SULT4A1: variants seen among roughly 807,000 people sequenced by gnomAD.
SULT4A1 encodes sulfotransferase family 4A member 1.
A neutral mutation model predicts 35.2 loss-of-function variants in SULT4A1; 11 were observed. The observed-to-expected ratio is 0.31, with a 90% CI of 0.20 to 0.52. SULT4A1 has a LOEUF of 0.52. SULT4A1 is among the 20% of genes least tolerant of loss of function. The pLI is 0.97. For synonymous variants in SULT4A1, 152 were observed against 151.8 expected (o/e 1.00, Z -0.01); for missense variants, 271 against 383.7 (o/e 0.71, Z 2.45).
At chr22:43,844,282 T>C (rs9306470) in intron 1 of SULT4A1, among the ~76,000 whole-genome samples, 35,207 of 152,152 alleles carry the variant, frequency 0.23, 4,242 homozygotes, top group African/African-American at 0.31. Context: ...TGGGGAGATG[T>C]GGCCAACGGG....
chr22:43,840,914 G>A (rs1156930325), intron 2 of SULT4A1, among the ~76,000 whole-genome samples: 1 of 149,856 alleles, frequency 6.7e-6, no homozygotes, highest in Non-Finnish European at 1.5e-5. Context: ...TCCTCTTTCA[G>A]GACCTGCCTC....
intron 1 of SULT4A1, among the ~76,000 whole-genome samples, chr22:43,848,822 T>C (rs1356818959): frequency 6.6e-6 from 1 of 152,196 alleles, no homozygotes; most frequent in Non-Finnish European, 1.5e-5. Context: ...CAGGCCCCAG[T>C]AGATCCACCC....
rs554792875 is a variant in SULT4A1, at chr22:43,845,473, C to T, written c.170-3541G>A. On this transcript the variant is annotated intron_variant, in intron 1 of 6. Transcript: ENST00000330884. ...GATGGTGGCCTCACTGTGGCTCACC[C>T]GGCTCCTCTCCTCTGTCCTTGCCTC... Among the ~76,000 whole-genome samples, 9 of 152,334 alleles carry T rather than the reference C, an allele frequency of 5.9e-5. No homozygotes were observed. The South Asian group carries it at 1.7e-3, about 28-fold the overall frequency.
At chr22:43,833,104 C>T (rs2063336324) in intron 5 of SULT4A1, among the ~76,000 whole-genome samples, 1 of 152,132 alleles carries the variant, frequency 6.6e-6, no homozygotes, top group Admixed American at 6.5e-5. Context: ...TGTCTCCTGC[C>T]TGTCCTGCCC....
chr22:43,838,486 A>T (rs994332697), intron 4 of SULT4A1, among the ~76,000 whole-genome samples: 3 of 152,244 alleles, frequency 2.0e-5, no homozygotes, highest in Non-Finnish European at 4.4e-5. Flanking sequence ...ACTTAGCTCC[A>T]GTCTCCACTC....
chr22:43,862,102 C>A (rs895249333), intron 1 of SULT4A1, 112 bp downstream of exon 1: 2 of 701,530 alleles, frequency 2.9e-6, no homozygotes, highest in Admixed American at 6.2e-5. Flanking sequence ...GGGGCGGAGG[C>A]CAAGGGCGAC....
chr22:43,842,975 ATCTCTCTCTCTC>A (rs695712), intron 1 of SULT4A1, among the ~76,000 whole-genome samples: 1 of 144,480 alleles, frequency 6.9e-6, no homozygotes, highest in Non-Finnish European at 1.5e-5. Flanking sequence ...AGTAAACAGC[ATCTCTCTCTCTC>A]TCTCTCTCTC....
intron 1 of SULT4A1, among the ~76,000 whole-genome samples, 157 bp downstream of exon 1, chr22:43,862,057 G>A (rs1376428402): frequency 7.1e-6 from 1 of 141,268 alleles, no homozygotes; most frequent in African/African-American, 2.5e-5. Flanking sequence ...CCGCCCCGCA[G>A]GGATCCGAGC....
Position 43,825,215 on chromosome 22 carries a change from G to A in SULT4A1, c.*786C>T, listed in dbSNP as rs1040830456. The A allele has an allele frequency of 6.6e-6, 1 of 152,228 alleles. No individual in the cohort carries two copies. The highest frequency in any genetic ancestry group is 2.4e-5 in the African/African-American group (1 of 41,444). 9.4% of individuals were successfully genotyped at this position (152,228 alleles called of 1,614,324 possible). A position where few individuals can be genotyped will look rare whatever the true frequency, so the allele number is the denominator to read the frequency against. The stretch of plus-strand genomic sequence containing the variant: ...AATTCCGAGCGCAACTCGGTCCTTT[G>A]GTGGCCGACTCTCCACCCACTGCAT... On this transcript the variant is annotated 3_prime_UTR_variant, in exon 7 of 7. Transcript: ENST00000330884.
chr22:43,857,957 G>A (rs1274975386), intron 1 of SULT4A1, among the ~76,000 whole-genome samples: 1 of 149,518 alleles, frequency 6.7e-6, no homozygotes, highest in Non-Finnish European at 1.5e-5. Flanking sequence ...GGCTGAGGCA[G>A]GAGGATTGCT....
intron 3 of SULT4A1, 81 bp from the exon 4 acceptor site, chr22:43,839,074 A>G: frequency 1.3e-6 from 2 of 1,568,148 alleles, no homozygotes; most frequent in Non-Finnish European, 1.7e-6. Context: ...AGCCTCCCTG[A>G]ACCTGCTGGT....
rs1284584564 is a variant in SULT4A1, at chr22:43,826,950, G to A, written c.743-837C>T. The A allele has an allele frequency of 1.1e-5, 11 of 985,436 alleles. No individual in the cohort carries two copies. In the South Asian group the frequency reaches 2.3e-4, roughly 21 times the overall value. 61.0% of individuals were successfully genotyped at this position (985,436 alleles called of 1,614,324 possible). On this transcript the variant is annotated intron_variant, in intron 6 of 6. Transcript: ENST00000330884. ...GGATAAACTGCAGGCACCGGTCTAC[G>A]CTGGTTTATGAAGGCTTTGGAAAAA...
rs577497249 is a variant in SULT4A1, at chr22:43,826,541, C to G, written c.743-428G>C. On this transcript the variant is annotated intron_variant, in intron 6 of 6. Transcript: ENST00000330884. ...AGTGCACTGCTCTGGGCATCACAGG[C>G]AGCCCTGGCCCTTCCCACGCCATTA... 2.4e-4 allele frequency: 235 copies of G among 985,386 alleles called. No homozygotes were observed. In the African/African-American group the frequency reaches 3.8e-3, roughly 16 times the overall value. 61.0% of individuals were successfully genotyped at this position (985,386 alleles called of 1,614,324 possible).
chr22:43,856,048 T>C (rs1603410048), intron 1 of SULT4A1, among the ~76,000 whole-genome samples: 2 of 152,342 alleles, frequency 1.3e-5, no homozygotes, highest in East Asian at 3.9e-4. Context: ...AATCTCACAC[T>C]GAGCAGAGTT....
intron 4 of SULT4A1, among the ~76,000 whole-genome samples, chr22:43,838,429 G>A (rs977209087): frequency 6.6e-6 from 1 of 151,982 alleles, no homozygotes; most frequent in Admixed American, 6.5e-5. Flanking sequence ...CCCTGCCCCA[G>A]TAGCTTGCCT....
intron 1 of SULT4A1, among the ~76,000 whole-genome samples, chr22:43,855,092 G>T (rs1051885647): frequency 1.3e-5 from 2 of 152,176 alleles, no homozygotes; most frequent in Non-Finnish European, 2.9e-5. Context: ...CCAGGCATCA[G>T]CAGCAGCGAC....
chr22:43,828,658 A>C, intron 6 of SULT4A1: 1 of 174,904 alleles, frequency 5.7e-6, no homozygotes. Context: ...AGTCAGTTAG[A>C]GACTGAGAAA....
chr22:43,852,263 G>A (rs1291995754), intron 1 of SULT4A1, among the ~76,000 whole-genome samples: 1 of 151,988 alleles, frequency 6.6e-6, no homozygotes, highest in Non-Finnish European at 1.5e-5. Context: ...ACCCTCCTGG[G>A]TCCAAGGGAT....
At chr22:43,826,890 T>C (rs2063290710) in intron 6 of SULT4A1, 1 of 985,328 alleles carries the variant, frequency 1.0e-6, no homozygotes, top group East Asian at 1.1e-4. Context: ...AACCCAGACC[T>C]CTTCCTGGCA....
Sources: gnomAD v4.1 joint callset for allele counts (sites outside exome capture counted in the v4.1 genomes callset) on GRCh38, gnomAD v4.1.1 for gene constraint, MANE v1.5 for transcripts, NCBI Gene and HGNC (gene_info 2026-07-23, HGNC 2026-07-21) for gene names.